NR3C2: variants seen among roughly 807,000 people sequenced by gnomAD.
NR3C2 encodes the protein nuclear receptor subfamily 3 group C member 2, also known as mineralocorticoid receptor.
In NR3C2, 15 loss-of-function variants were observed where a neutral mutation model predicts 86.4. The ratio of observed to expected loss-of-function variants is 0.17; its 90% CI spans 0.12 to 0.27. NR3C2 has a LOEUF of 0.27. Ranked by LOEUF, NR3C2 falls within the 10% of genes least tolerant of loss-of-function variation. NR3C2 has a pLI of 1.00. For missense variants in NR3C2, 960 were observed against 1,195.6 expected (o/e 0.80, Z 2.91); for synonymous variants, 458 against 450.5 (o/e 1.02, Z -0.21).
intron 3 of NR3C2, among the ~76,000 whole-genome samples, chr4:148,244,784 G>C (rs1280174052): frequency 6.6e-6 from 1 of 152,106 alleles, no homozygotes; most frequent in Non-Finnish European, 1.5e-5. Flanking sequence ...TAAAATTGTT[G>C]CAAGTTAGAA....
chr4:148,368,628 A>T (rs1746268134), intron 2 of NR3C2, among the ~76,000 whole-genome samples: 1 of 152,132 alleles, frequency 6.6e-6, no homozygotes, highest in Non-Finnish European at 1.5e-5. Context: ...ACTTTACATC[A>T]ATATATAATG....
At chr4:148,329,433 T>C (rs568210176) in intron 2 of NR3C2, among the ~76,000 whole-genome samples, 1 of 152,348 alleles carries the variant, frequency 6.6e-6, no homozygotes, top group African/African-American at 2.4e-5. Flanking sequence ...ATCTTCATTT[T>C]CTAAGTCATT....
chr4:148,305,515 A>C (rs2149928730), intron 2 of NR3C2, among the ~76,000 whole-genome samples: 1 of 148,192 alleles, frequency 6.7e-6, no homozygotes, highest in South Asian at 2.2e-4. Flanking sequence ...CCACCGGATC[A>C]TTTTGCAAGG....
intron 2 of NR3C2, among the ~76,000 whole-genome samples, chr4:148,375,175 G>A (rs1042385889): frequency 2.5e-4 from 38 of 152,120 alleles, no homozygotes; most frequent in African/African-American, 8.9e-4. Context: ...TGCAAAATCG[G>A]CTGGATGCAG....
intron 2 of NR3C2, among the ~76,000 whole-genome samples, chr4:148,432,036 A>G (rs993820338): frequency 1.3e-5 from 2 of 152,198 alleles, no homozygotes; most frequent in Non-Finnish European, 2.9e-5. Context: ...TAAATTAAAA[A>G]TTAAAACAAA....
At chr4:148,402,082 A>T (rs1353019820) in intron 2 of NR3C2, among the ~76,000 whole-genome samples, 1 of 152,212 alleles carries the variant, frequency 6.6e-6, no homozygotes, top group African/African-American at 2.4e-5. Flanking sequence ...CCCAGATTGT[A>T]GGTTCCACAA....
At chr4:148,234,193 C>T (rs1042244518) in intron 3 of NR3C2, among the ~76,000 whole-genome samples, 2 of 152,172 alleles carry the variant, frequency 1.3e-5, no homozygotes, top group East Asian at 3.8e-4. Flanking sequence ...TTTCTGTCTA[C>T]TGAATACACT....
intron 2 of NR3C2, among the ~76,000 whole-genome samples, chr4:148,272,940 T>C (rs1740764961): frequency 2.0e-5 from 3 of 152,240 alleles, no homozygotes; most frequent in Admixed American, 2.0e-4. Context: ...TGAAGTAGGC[T>C]GTTTCTTTCG....
chr4:148,418,934 A>G (rs1749137762), intron 2 of NR3C2, among the ~76,000 whole-genome samples: 1 of 152,118 alleles, frequency 6.6e-6, no homozygotes, highest in African/African-American at 2.4e-5. Context: ...ATATTCTCCC[A>G]TTTACCAAGA....
At chr4:148,251,966 A>C (rs894513298) in intron 3 of NR3C2, among the ~76,000 whole-genome samples, 7 of 152,070 alleles carry the variant, frequency 4.6e-5, no homozygotes, top group African/African-American at 1.7e-4. Flanking sequence ...ACTCTGTGAG[A>C]GGCAATATAG....
chr4:148,330,799 C>A (rs570682970), intron 2 of NR3C2, among the ~76,000 whole-genome samples: 1 of 152,184 alleles, frequency 6.6e-6, no homozygotes, highest in East Asian at 1.9e-4. Context: ...GGGGCGGATC[C>A]CCTCATAAAT....
At chr4:148,091,947 AGAGTT>A (rs1731080830) in intron 8 of NR3C2, among the ~76,000 whole-genome samples, 1 of 152,136 alleles carries the variant, frequency 6.6e-6, no homozygotes, top group African/African-American at 2.4e-5. Context: ...ACCACCAAGA[AGAGTT>A]CAGTTCATCA....
chr4:148,388,448 G>A (rs1197958561), intron 2 of NR3C2, among the ~76,000 whole-genome samples: 2 of 152,094 alleles, frequency 1.3e-5, no homozygotes, highest in Admixed American at 6.6e-5. Flanking sequence ...TTTCAGATTC[G>A]AAATGCTCAA....
chr4:148,365,714 A>G (rs1237067405), intron 2 of NR3C2, among the ~76,000 whole-genome samples: 1 of 151,104 alleles, frequency 6.6e-6, no homozygotes, highest in East Asian at 2.0e-4. Context: ...ATGTGATATG[A>G]AAATATCTAT....
Position 148,079,774 on chromosome 4 carries a change from C to A in NR3C2, c.*1570G>T, listed in dbSNP as rs1007109807. On this transcript the variant is annotated 3_prime_UTR_variant, in exon 9 of 9. Coordinates refer to ENST00000358102, the MANE Select transcript of NR3C2 (RefSeq NM_000901.5). ...TTATGTATAAAACTTATTTTTAAAA[C>A]CTACCTTTTAAAAATCTAAAACCCC... The A allele has an allele frequency of 6.6e-6, 1 of 152,542 alleles. No homozygotes were observed. Among genetic ancestry groups the A allele is most frequent in the Non-Finnish European group, 1.5e-5 (1 of 68,030 alleles). 9.4% of individuals were successfully genotyped at this position (152,542 alleles called of 1,614,324 possible). A position where few individuals can be genotyped will look rare whatever the true frequency, so the allele number is the denominator to read the frequency against.
intron 4 of NR3C2, among the ~76,000 whole-genome samples, 158 bp from the exon 5 acceptor site, chr4:148,155,059 A>C (rs1392696640): frequency 1.3e-5 from 2 of 152,182 alleles, no homozygotes; most frequent in African/African-American, 4.8e-5. Flanking sequence ...AAGCTCAATT[A>C]TTATTACTTA....
chr4:148,389,976 G>A (rs1010312486), intron 2 of NR3C2, among the ~76,000 whole-genome samples: 2 of 151,996 alleles, frequency 1.3e-5, no homozygotes, highest in Non-Finnish European at 2.9e-5. Flanking sequence ...ATTTAAGAGC[G>A]TGTAATACAA....
At chr4:148,389,843 C>T (rs991804058) in intron 2 of NR3C2, among the ~76,000 whole-genome samples, 5 of 151,694 alleles carry the variant, frequency 3.3e-5, no homozygotes, top group African/African-American at 7.3e-5. Flanking sequence ...AATATTAATA[C>T]TAAAGGCATA....
intron 2 of NR3C2, among the ~76,000 whole-genome samples, chr4:148,305,046 G>A (rs1446965143): frequency 6.6e-6 from 1 of 151,582 alleles, no homozygotes; most frequent in Non-Finnish European, 1.5e-5. Context: ...CATCATCATC[G>A]CTTGAAGTTC....
Sources: gnomAD v4.1 joint callset for allele counts (sites outside exome capture counted in the v4.1 genomes callset) on GRCh38, gnomAD v4.1.1 for gene constraint, MANE v1.5 for transcripts, NCBI Gene and HGNC (gene_info 2026-07-23, HGNC 2026-07-21) for gene names.